Variants in HDGF observed in about 807,000 individuals in gnomAD.
The protein encoded by HDGF is hepatoma-derived growth factor.
Under a neutral mutation model 30.0 loss-of-function variants are expected in HDGF, and 5 were observed. The ratio of observed to expected loss-of-function variants is 0.17; its 90% confidence interval spans 0.09 to 0.35. The LOEUF is 0.35. Among genes scored for constraint, HDGF ranks in the 10% least tolerant of loss-of-function variants. The pLI, the probability that HDGF is intolerant of heterozygous loss-of-function variation, is 1.00. For synonymous variants in HDGF, 133 were observed against 112.7 expected (o/e 1.18, Z -1.14); for missense variants, 214 against 302.8 (o/e 0.71, Z 2.18).
intron 1 of HDGF, among the ~76,000 whole-genome samples, chr1:156,763,886 C>T (rs1651302353): frequency 6.6e-6 from 1 of 151,768 alleles, no homozygotes; most frequent in Non-Finnish European, 1.5e-5. Context: ...CCGCGCCTGG[C>T]CTAAATTTCT....
intron 1 of HDGF, among the ~76,000 whole-genome samples, chr1:156,765,466 TTCTTTC>T (rs1223114519): frequency 8.3e-5 from 9 of 108,124 alleles, no homozygotes; most frequent in Non-Finnish European, 1.2e-4. Context: ...CCTTCTTTCT[TTCTTTC>T]TTTTTTTTTT....
intron 4 of HDGF, 130 bp from the exon 5 acceptor site, chr1:156,744,008 C>T: frequency 9.6e-7 from 1 of 1,042,096 alleles, no homozygotes. Context: ...AGCTGAAATG[C>T]CTTCTGTGTC....
intron 1 of HDGF, among the ~76,000 whole-genome samples, chr1:156,761,811 G>T (rs187786465): frequency 9.8e-4 from 148 of 151,546 alleles, no homozygotes; most frequent in Non-Finnish European, 1.8e-3. Context: ...GCCGGGCGTG[G>T]TGGCATGCGC....
chr1:156,752,394 C>A (rs562310759), upstream of HDGF: 9 of 1,546,888 alleles, frequency 5.8e-6, no homozygotes, highest in Non-Finnish European at 7.0e-6. Flanking sequence ...TACTGTCTTG[C>A]CAAGGAGACT....
In HDGF at chr1:156,743,681, A is replaced by G. The variant is rs766378728; in HGVS notation, c.687T>C (p.Ala229=). 1.2e-6 allele frequency: 2 copies of G among 1,612,080 alleles called. No homozygotes were observed. The highest frequency in any genetic ancestry group is 1.7e-6 in the Non-Finnish European group (2 of 1,178,918). ...DEEEEATKED[A]EAPGIRDHES... ...CATGATCTCTGATGCCTGGGGCCTC[A>G]GCATCTTCCTTGGTAGCCTCTTCCT... The change falls in exon 5 of 6, where the codon GCT becomes GCC. Residue 229 remains alanine, a synonymous_variant. Coordinates refer to ENST00000357325, the MANE Select transcript of HDGF (RefSeq NM_004494.3).
At chr1:156,753,112 C>T (rs1651071358), upstream of HDGF, among the ~76,000 whole-genome samples, 1 of 152,218 alleles carries the variant, frequency 6.6e-6, no homozygotes, top group Non-Finnish European at 1.5e-5. Flanking sequence ...CTAGGGGATG[C>T]CTGCAGTTGT....
chr1:156,748,445 G>C (rs1289555725), intron 1 of HDGF, among the ~76,000 whole-genome samples: 3 of 152,166 alleles, frequency 2.0e-5, no homozygotes, highest in African/African-American at 7.2e-5. Flanking sequence ...TCAGGGTGGG[G>C]CCAAATAGTG....
chr1:156,750,976 G>A (rs1057176351), intron 1 of HDGF, among the ~76,000 whole-genome samples: 9 of 151,574 alleles, frequency 5.9e-5, no homozygotes, highest in South Asian at 4.2e-4. Context: ...TGGGGTCGGG[G>A]GAAGGAATAA....
chr1:156,743,834 C>T lies in HDGF; in HGVS notation c.534G>A (p.Glu178=), dbSNP rs760323163. 1.1e-5 allele frequency: 18 copies of T among 1,612,676 alleles called. No individual in the cohort carries two copies. Among genetic ancestry groups the T allele is most frequent in the East Asian group, 6.7e-5 (3 of 44,890 alleles). Residue 178 remains glutamate (E), a synonymous_variant, in exon 5 of 6, where the codon GAG becomes GAA. Coordinates refer to ENST00000357325, the MANE Select transcript of HDGF (RefSeq NM_004494.3). ...CCTCCAAGGTGGCTGCCTCCTTCTC[C>T]TCTCCTTCAGGGTTTTCTGCCTCCT... is the stretch of plus-strand genomic sequence containing the variant. The part of the protein sequence containing the change: ...RPKEAENPEG[E]EKEAATLEVE...
upstream of HDGF, among the ~76,000 whole-genome samples, chr1:156,756,793 CTTTT>C (rs558782106): frequency 3.3e-5 from 4 of 122,432 alleles, no homozygotes; most frequent in Non-Finnish European, 3.4e-5. Context: ...AAAAGGTGGT[CTTTT>C]TTTTTTTTTT....
chr1:156,765,816 G>C (rs1235275619), intron 1 of HDGF, among the ~76,000 whole-genome samples: 2 of 152,116 alleles, frequency 1.3e-5, no homozygotes, highest in African/African-American at 4.8e-5. Context: ...ACTCAGAGAA[G>C]AGAAGTGACC....
In HDGF at chr1:156,765,472, C is replaced by CTTTCT. The variant is rs1159054263; in HGVS notation, n.136+1317_136+1318insAGAAA. Among the ~76,000 whole-genome samples, 207 of 86,034 alleles carry CTTTCT rather than the reference C, an allele frequency of 2.4e-3. 2 individuals carry two copies. The highest frequency in any genetic ancestry group is 9.1e-3 in the African/African-American group (194 of 21,368). The allele number at this position is 86,034 out of a possible 152,430, so 56.4% of individuals were successfully genotyped here. A position where few individuals can be genotyped will look rare whatever the true frequency, so the allele number is the denominator to read the frequency against. ...TCCTTCTTTCCTTCTTTCTTTCTTT[C>CTTTCT]TTTTTTTTTTTTTTTTTTTTGAGAT... On this transcript the variant is annotated intron_variant and non_coding_transcript_variant, in intron 1 of 7. Transcript: ENST00000465180.
upstream of HDGF, chr1:156,752,354 C>A: frequency 6.4e-7 from 1 of 1,551,728 alleles, no homozygotes; most frequent in Non-Finnish European, 8.7e-7. Flanking sequence ...TGGCCACCTT[C>A]CGGGTGCATT....
rs756043971 is a variant in HDGF, at chr1:156,751,310, G to A, written c.87+33C>T. On this transcript the variant is annotated intron_variant, in intron 1 of 5. Transcript: ENST00000357325. The surrounding 1 kb of genome is among the most constrained non-coding windows in gnomAD (Gnocchi z 4.7). ...CGGTGTTATGCAACCCAAGCCCGCA[G>A]GGGGTTAGGGGGCGGCGGGCCGCGC... is the stretch of plus-strand genomic sequence containing the variant. The A allele has an allele frequency of 3.8e-6, 6 of 1,597,220 alleles. No individual in the cohort carries two copies. The Admixed American group carries it at 5.1e-5, about 14-fold the overall frequency.
At chr1:156,745,487 A>G in intron 1 of HDGF, 114 bp from the exon 2 acceptor site, 1 of 831,142 alleles carries the variant, frequency 1.2e-6, no homozygotes, top group Non-Finnish European at 1.9e-6. Context: ...GGGACCCAGG[A>G]TAGTCAGCAA....
At chr1:156,745,188 C>A in intron 2 of HDGF, 42 bp from the exon 3 acceptor site, 3 of 1,613,436 alleles carry the variant, frequency 1.9e-6, no homozygotes, top group East Asian at 4.5e-5. Flanking sequence ...CCCCTCACTG[C>A]CCCTGAGCTG....
chr1:156,747,884 C>T (rs1450346620), intron 1 of HDGF, among the ~76,000 whole-genome samples: 1 of 152,124 alleles, frequency 6.6e-6, no homozygotes, highest in African/African-American at 2.4e-5. Flanking sequence ...CCCAGCTTCC[C>T]ATGGAAAGCA....
At chr1:156,758,045 C>G (rs1241471920) in intron 2 of HDGF, among the ~76,000 whole-genome samples, 1 of 150,352 alleles carries the variant, frequency 6.7e-6, no homozygotes. Context: ...CGCCTGTTAT[C>G]CCAGCACTTT....
upstream of HDGF, chr1:156,752,039 A>G: frequency 6.4e-7 from 1 of 1,550,816 alleles, no homozygotes. Context: ...AGCGCTCACC[A>G]CCGCGGCCCC....
Sources: gnomAD v4.1 joint callset for allele counts (sites outside exome capture counted in the v4.1 genomes callset) on GRCh38, gnomAD v4.1.1 for gene constraint, Gnocchi (gnomAD v3.1) non-coding constraint, MANE v1.5 for transcripts, NCBI Gene and HGNC (gene_info 2026-07-23, HGNC 2026-07-21) for gene names.